The following TMEM132B variants were observed in gnomAD, a reference collection of about 807,000 sequenced individuals.
The protein encoded by TMEM132B is transmembrane protein 132B.
In TMEM132B, 18 loss-of-function variants were observed where a neutral mutation model predicts 90.8. The ratio of observed to expected loss-of-function variants is 0.20; its 90% CI spans 0.14 to 0.29. The LOEUF is 0.29. TMEM132B is among the 10% of genes least tolerant of loss of function. The pLI is 1.00. For synonymous variants in TMEM132B, 504 were observed against 523.3 expected, an observed-to-expected ratio of 0.96 and a Z score of 0.50; for missense variants, 1,096 against 1,326.8, an observed-to-expected ratio of 0.83 and a Z score of 2.70.
At chr12:125,326,442 A>G (rs532865156) in intron 1 of TMEM132B, 3 of 697,978 alleles carry the variant, frequency 4.3e-6, no homozygotes, top group East Asian at 2.8e-5. Flanking sequence ...CCTGTTTCCA[A>G]TGAAGACAAT....
At chr12:125,551,216 C>T (rs1023613797) in intron 4 of TMEM132B, among the ~76,000 whole-genome samples, 1 of 152,212 alleles carries the variant, frequency 6.6e-6, no homozygotes, top group African/African-American at 2.4e-5. Context: ...ATTTTTCATA[C>T]TTAATTCTTA....
Position 125,652,777 on chromosome 12 carries a change from G to T in TMEM132B, c.2106+145G>T, listed in dbSNP as rs141170383. On this transcript the variant is annotated intron_variant, in intron 8 of 8. Transcript: ENST00000682704. ...TCTTGCTTCTTATCCAGGCCACCCT[G>T]TCTCTGAGAAAAGTATTCAGTGGCT... is the stretch of plus-strand genomic sequence containing the variant. 12 of 952,640 alleles carry T rather than the reference G, an allele frequency of 1.3e-5. No homozygotes were observed. In the African/African-American group the frequency reaches 1.8e-4, roughly 15 times the overall value. 59.0% of individuals were successfully genotyped at this position (952,640 alleles called of 1,614,324 possible).
At chr12:125,190,935 C>G (rs188432567) in intron 1 of TMEM132B, among the ~76,000 whole-genome samples, 1 of 4,940 alleles carries the variant, frequency 2.0e-4, no homozygotes, top group Admixed American at 2.6e-3. Context: ...GTGATGGTGA[C>G]GGGGAAGGGG....
chr12:125,633,299 G>A (rs184562585), intron 5 of TMEM132B, among the ~76,000 whole-genome samples: 1 of 152,072 alleles, frequency 6.6e-6, no homozygotes, highest in East Asian at 1.9e-4. Flanking sequence ...TTGTTAAATT[G>A]ATCTGATAGA....
intron 5 of TMEM132B, among the ~76,000 whole-genome samples, chr12:125,638,947 TCA>T (rs1398943093): frequency 3.9e-5 from 6 of 152,214 alleles, no homozygotes; most frequent in Admixed American, 3.9e-4. Flanking sequence ...ACAAGCCACC[TCA>T]CACATGCTCA....
intron 4 of TMEM132B, among the ~76,000 whole-genome samples, chr12:125,534,449 C>T (rs776055523): frequency 6.6e-6 from 1 of 152,076 alleles, no homozygotes; most frequent in Non-Finnish European, 1.5e-5. Context: ...CCCAGGAGGT[C>T]GAGGCTGCAG....
At chr12:125,533,721 G>A (rs1383751408) in intron 4 of TMEM132B, among the ~76,000 whole-genome samples, 1 of 152,310 alleles carries the variant, frequency 6.6e-6, no homozygotes, top group East Asian at 1.9e-4. Flanking sequence ...GACTGGCTGC[G>A]TCCTCAGGCC....
intron 1 of TMEM132B, among the ~76,000 whole-genome samples, chr12:125,319,031 T>G (rs1876355461): frequency 6.6e-6 from 1 of 152,194 alleles, no homozygotes; most frequent in Non-Finnish European, 1.5e-5. Flanking sequence ...ATCCTGGGTT[T>G]CAGGGCAGGT....
At chr12:125,237,641 G>A (rs756988985) in intron 1 of TMEM132B, among the ~76,000 whole-genome samples, 11 of 152,076 alleles carry the variant, frequency 7.2e-5, no homozygotes, top group African/African-American at 2.7e-4. Flanking sequence ...TAGAGATGGG[G>A]TTTCACCGTG....
At chr12:125,467,495 G>A (rs1220586535) in intron 3 of TMEM132B, among the ~76,000 whole-genome samples, 3 of 151,796 alleles carry the variant, frequency 2.0e-5, no homozygotes, top group African/African-American at 4.8e-5. Context: ...AACCATTCCT[G>A]TGGGCAGAGA....
At chr12:125,196,216 GATATTT>G (rs1872921914) in intron 1 of TMEM132B, among the ~76,000 whole-genome samples, 1 of 152,184 alleles carries the variant, frequency 6.6e-6, no homozygotes, top group Non-Finnish European at 1.5e-5. Context: ...TCATTTAGTA[GATATTT>G]ATTGAGTGTC....
At chr12:125,591,722 T>C (rs1885323193) in intron 5 of TMEM132B, among the ~76,000 whole-genome samples, 2 of 152,186 alleles carry the variant, frequency 1.3e-5, no homozygotes, top group Non-Finnish European at 2.9e-5. Flanking sequence ...TTCCAGCTTC[T>C]GGTGGCCCTG....
intron 6 of TMEM132B, among the ~76,000 whole-genome samples, chr12:125,645,197 G>A (rs1341550700): frequency 1.5e-5 from 2 of 131,542 alleles, no homozygotes; most frequent in African/African-American, 2.9e-5. Context: ...CAGCCTGGGT[G>A]ACAGAGCGAG....
intron 1 of TMEM132B, among the ~76,000 whole-genome samples, chr12:125,286,945 C>G (rs2136139912): frequency 6.6e-6 from 1 of 152,204 alleles, no homozygotes; most frequent in Non-Finnish European, 1.5e-5. Flanking sequence ...TCAGGTGATC[C>G]ACCCTCCTCG....
At chr12:125,468,735 ATGT>A (rs1203591530) in intron 3 of TMEM132B, among the ~76,000 whole-genome samples, 24 of 152,308 alleles carry the variant, frequency 1.6e-4, no homozygotes, top group African/African-American at 5.5e-4. Flanking sequence ...TGAACATGGG[ATGT>A]CTTTCCATTT....
At chr12:125,403,870 C>G (rs973077616) in intron 2 of TMEM132B, among the ~76,000 whole-genome samples, 2 of 152,206 alleles carry the variant, frequency 1.3e-5, no homozygotes, top group African/African-American at 4.8e-5. Context: ...CATTGTCCCT[C>G]TACCCTAGAT....
At chr12:125,572,718 G>A (rs1395359400) in intron 4 of TMEM132B, among the ~76,000 whole-genome samples, 4 of 152,176 alleles carry the variant, frequency 2.6e-5, no homozygotes, top group Non-Finnish European at 5.9e-5. Context: ...CAGTAGTAGA[G>A]CCCATTAATG....
chr12:125,270,720 G>T (rs932085302), intron 1 of TMEM132B, among the ~76,000 whole-genome samples: 2 of 145,104 alleles, frequency 1.4e-5, no homozygotes, highest in Non-Finnish European at 3.0e-5. Context: ...TTGCTCTCCA[G>T]GATGTTGAAT....
chr12:125,298,374 C>G (rs1016590490), intron 1 of TMEM132B, among the ~76,000 whole-genome samples: 19 of 123,318 alleles, frequency 1.5e-4, no homozygotes, highest in African/African-American at 5.1e-4. Flanking sequence ...AGGAAACGTT[C>G]CTCAAGAGTG....
Sources: allele counts gnomAD v4.1 joint callset (sites outside exome capture counted in the v4.1 genomes callset), GRCh38; gene constraint gnomAD v4.1.1; transcripts MANE v1.5; gene names NCBI Gene and HGNC (gene_info 2026-07-23, HGNC 2026-07-21).